The following FMO1 variants were observed in gnomAD, a reference collection of about 807,000 sequenced individuals.
FMO1 encodes the protein flavin containing dimethylaniline monoxygenase 1.
FMO1 carries 36 observed loss-of-function variants against 45.4 expected under a neutral mutation model. The ratio of observed to expected loss-of-function variants is 0.79; its 90% CI spans 0.61 to 1.05. The LOEUF (loss-of-function observed/expected upper bound fraction) is 1.05. Among genes scored for constraint, FMO1 ranks in the 50% least tolerant of loss-of-function variants. The pLI, the probability that FMO1 is intolerant of heterozygous loss-of-function variation, is 0.00. For synonymous variants in FMO1, 228 were observed against 227.2 expected, an observed-to-expected ratio of 1.00 and a Z score of -0.03; for missense variants, 615 against 640.3, an observed-to-expected ratio of 0.96 and a Z score of 0.43.
intron 2 of FMO1, among the ~76,000 whole-genome samples, chr1:171,259,320 A>G (rs887611888): frequency 6.6e-6 from 1 of 152,230 alleles, no homozygotes; most frequent in Non-Finnish European, 1.5e-5. Flanking sequence ...TGCATATCTT[A>G]AAGTGTACCC....
chr1:171,264,324 GTA>G (rs546414593), intron 2 of FMO1, among the ~76,000 whole-genome samples: 3 of 146,784 alleles, frequency 2.0e-5, no homozygotes, highest in South Asian at 2.1e-4. Context: ...TTGTGTGTGT[GTA>G]TATATATATA....
At chr1:171,252,308 C>T (rs978245835) in intron 1 of FMO1, among the ~76,000 whole-genome samples, 3 of 152,068 alleles carry the variant, frequency 2.0e-5, no homozygotes, top group African/African-American at 7.2e-5. Flanking sequence ...CAGTGACATT[C>T]CCAGAGAGCC....
At chr1:171,270,048 T>C (rs925351640) in intron 3 of FMO1, among the ~76,000 whole-genome samples, 2 of 152,208 alleles carry the variant, frequency 1.3e-5, no homozygotes, top group African/African-American at 4.8e-5. Flanking sequence ...AGCTCACGCT[T>C]TTGGGGATAC....
At chr1:171,258,270 G>A (rs752551098) in intron 2 of FMO1, 51 bp downstream of exon 2, 1 of 1,594,328 alleles carries the variant, frequency 6.3e-7, no homozygotes, top group Admixed American at 1.7e-5. Context: ...TGGCTTGGCA[G>A]CTGGGAAATT....
At chr1:171,272,012 C>A (rs1660891232) in intron 3 of FMO1, among the ~76,000 whole-genome samples, 1 of 152,266 alleles carries the variant, frequency 6.6e-6, no homozygotes. Context: ...GTGTTCACCA[C>A]AGCCCTTCCC....
rs556246165 is a variant in FMO1 at position 171,248,574 on chromosome 1, A to G, written c.-56A>G. 7.9e-5 allele frequency: 12 copies of G among 152,312 alleles called. No homozygotes were observed. In the East Asian group the frequency reaches 1.2e-3, roughly 15 times the overall value. 9.4% of individuals were successfully genotyped at this position (152,312 alleles called of 1,614,324 possible). On this transcript the variant is annotated 5_prime_UTR_variant, in exon 1 of 9. Transcript: ENST00000617670. ...ATTCATTTTGATCTCTGCTAATACC[A>G]GAGTCCTGCGTGGCAGAGCCATTGG...
chr1:171,278,864 C>A lies in FMO1; in HGVS notation c.620C>A (p.Ala207Glu), dbSNP rs146934200. 7 of 1,609,414 alleles carry A rather than the reference C, an allele frequency of 4.3e-6. No individual in the cohort carries two copies. Among genetic ancestry groups the A allele is most frequent in the Admixed American group, 1.7e-5 (1 of 59,658 alleles). Residue 207 changes from alanine (A) to glutamate (E), a missense_variant, in exon 5 of 9, where the codon GCG becomes GAG. Physicochemically the swap from Ala to Glu is moderately radical, Grantham distance 107 (BLOSUM62 -1). Transcript: ENST00000617670. ...TDIAVEASHL[A>E]EKVFLSTTGG... ...ATTGCTGTGGAGGCCAGCCACCTGGCGGAAAAGGTACATTCCTGATGTTAC... is the reference window on the plus strand; with the variant it reads ...ATTGCTGTGGAGGCCAGCCACCTGGAGGAAAAGGTACATTCCTGATGTTAC...
At chr1:171,257,167 A>G (rs1024115070) in intron 1 of FMO1, among the ~76,000 whole-genome samples, 1 of 152,208 alleles carries the variant, frequency 6.6e-6, no homozygotes, top group African/African-American at 2.4e-5. Context: ...TGTGATGCAC[A>G]GAAGGGTTAA....
At chr1:171,281,169 C>A (rs562659805) in intron 6 of FMO1, among the ~76,000 whole-genome samples, 184 bp downstream of exon 6, 1 of 152,060 alleles carries the variant, frequency 6.6e-6, no homozygotes, top group Non-Finnish European at 1.5e-5. Flanking sequence ...ATGTATTTCA[C>A]CTTGTCAGCA....
At chr1:171,263,542 A>C (rs1660469352) in intron 2 of FMO1, among the ~76,000 whole-genome samples, 1 of 152,186 alleles carries the variant, frequency 6.6e-6, no homozygotes, top group Admixed American at 6.5e-5. Context: ...TGACCTCCCA[A>C]CTGTGCTGCA....
chr1:171,263,365 A>G (rs1660457265), intron 2 of FMO1, among the ~76,000 whole-genome samples: 1 of 152,226 alleles, frequency 6.6e-6, no homozygotes, highest in Admixed American at 6.5e-5. Context: ...CAGATCAGCC[A>G]GCTAAAAATG....
Position 171,282,147 on chromosome 1 carries a change from T to C in FMO1, c.997T>C (p.Phe333Leu). Residue 333 changes from phenylalanine to leucine, a missense_variant, in exon 7 of 9, where the codon TTT becomes CTT. Phe to Leu is a conservative substitution (Grantham distance 22, BLOSUM62 0). Coordinates refer to ENST00000617670, the MANE Select transcript of FMO1 (RefSeq NM_001282693.2). ...CATTGTCTTTGCCACTGGATACACA[T>C]TTGCTTTCCCCTTCCTTGATGAGTC... ...DIIVFATGYT[F>L]AFPFLDESVV... 1.2e-6 allele frequency: 2 copies of C among 1,614,032 alleles called. No individual in the cohort carries two copies. The highest frequency in any genetic ancestry group is 1.7e-6 in the Non-Finnish European group (2 of 1,179,918).
intron 4 of FMO1, among the ~76,000 whole-genome samples, chr1:171,278,131 C>T (rs1364629234): frequency 6.6e-6 from 1 of 152,158 alleles, no homozygotes; most frequent in African/African-American, 2.4e-5. Context: ...GACATCACTC[C>T]TTTTTCTCTG....
chr1:171,271,456 C>T, intron 3 of FMO1: 2 of 993,686 alleles, frequency 2.0e-6, no homozygotes, highest in Non-Finnish European at 3.2e-6. Flanking sequence ...CTCTCTGAGC[C>T]TTTCTTAGAA....
At chr1:171,270,507 T>A (rs1181834761) in intron 3 of FMO1, 3 of 919,342 alleles carry the variant, frequency 3.3e-6, no homozygotes, top group East Asian at 1.2e-4. Context: ...TAATAAAAAA[T>A]TTGTATTTAC....
Position 171,282,165 on chromosome 1 carries a change from G to A in FMO1, c.1015G>A (p.Asp339Asn). The part of the protein sequence containing the change: ...TGYTFAFPFL[D>N]ESVVKVEDGQ... ...ATACACATTTGCTTTCCCCTTCCTT[G>A]ATGAGTCTGTAGTGAAAGTTGAAGA... The change falls in exon 7 of 9, where the codon GAT (aspartate) becomes AAT (asparagine). Residue 339 changes from aspartate to asparagine, a missense_variant. Coordinates refer to ENST00000617670, the MANE Select transcript of FMO1 (RefSeq NM_001282693.2). 1 of 1,613,984 alleles carries A rather than the reference G, an allele frequency of 6.2e-7. No homozygotes were observed. The highest frequency in any genetic ancestry group is 2.2e-5 in the East Asian group (1 of 44,882).
intron 8 of FMO1, among the ~76,000 whole-genome samples, chr1:171,284,456 G>A (rs1661532440): frequency 6.6e-6 from 1 of 151,962 alleles, no homozygotes; most frequent in Non-Finnish European, 1.5e-5. Flanking sequence ...CAATTTTAGG[G>A]GCCAGGTGCA....
At chr1:171,271,208 T>G (rs1388731543) in intron 3 of FMO1, 4 of 885,846 alleles carry the variant, frequency 4.5e-6, no homozygotes, top group Non-Finnish European at 7.6e-6. Context: ...TCTCCCAGTT[T>G]CTTCACGACA....
intron 5 of FMO1, among the ~76,000 whole-genome samples, chr1:171,279,700 C>G (rs1661276565): frequency 6.6e-6 from 1 of 152,204 alleles, no homozygotes; most frequent in South Asian, 2.1e-4. Context: ...AGAGCCTGCT[C>G]TCATTATAGC....
Sources: allele counts gnomAD v4.1 joint callset (sites outside exome capture counted in the v4.1 genomes callset), GRCh38; gene constraint gnomAD v4.1.1; transcripts MANE v1.5; gene names NCBI Gene and HGNC (gene_info 2026-07-23, HGNC 2026-07-21).